Variants in ZCCHC14 observed in about 807,000 individuals in gnomAD.
ZCCHC14 encodes the protein zinc finger CCHC domain-containing protein 14.
ZCCHC14 carries 16 observed loss-of-function variants against 85.0 expected under a neutral mutation model. The ratio of observed to expected loss-of-function variants is 0.19; its 90% CI spans 0.13 to 0.29. The LOEUF (loss-of-function observed/expected upper bound fraction) is 0.29. ZCCHC14 is among the 10% of genes least tolerant of loss of function. The probability of loss-of-function intolerance (pLI) is 1.00; values close to 1 mark genes in which losing one functional copy is unlikely to be tolerated. For missense variants in ZCCHC14, 1,303 were observed against 1,443.5 expected (o/e 0.90, Z 1.58); for synonymous variants, 775 against 630.7 (o/e 1.23, Z -3.43).
intron 1 of ZCCHC14, among the ~76,000 whole-genome samples, chr16:87,462,464 GGT>G (rs1911309612): frequency 6.6e-6 from 1 of 152,220 alleles, no homozygotes; most frequent in Non-Finnish European, 1.5e-5. Context: ...GCCAAGGCCG[GGT>G]GCAGTGGCTC....
chr16:87,442,513 GCA>G (rs926606050), intron 2 of ZCCHC14, among the ~76,000 whole-genome samples: 17 of 152,140 alleles, frequency 1.1e-4, no homozygotes, highest in African/African-American at 4.1e-4. Flanking sequence ...CTCCTGAGAT[GCA>G]CAGACAGACA....
In ZCCHC14 at chr16:87,417,538, C is replaced by G; in HGVS notation, c.1305G>C (p.Gln435His). Residue 435 changes from glutamine to histidine, a missense_variant, in exon 8 of 13, where the codon CAG becomes CAC. Gln to His is a conservative substitution (Grantham distance 24). Around this residue, in one of 7 missense-constraint regions of ZCCHC14, gnomAD observed 389 missense variants for 397.8 expected, o/e 0.98. Coordinates refer to ENST00000671377, the MANE Select transcript of ZCCHC14 (RefSeq NM_015144.3). ...TCCTAAGCCAGTCTAGAATCCCATT[C>G]TGCTCCTGGGTCTGAGGGGTCTGCA... is the stretch of plus-strand genomic sequence containing the variant. ...SSLQTPQTQE[Q>H]NGILDWLRKL... The G allele has an allele frequency of 6.2e-7, 1 of 1,614,278 alleles. No individual in the cohort carries two copies. The highest frequency in any genetic ancestry group is 8.5e-7 in the Non-Finnish European group (1 of 1,180,050).
chr16:87,463,005 T>C (rs1312137186), intron 1 of ZCCHC14, among the ~76,000 whole-genome samples: 30 of 151,732 alleles, frequency 2.0e-4, no homozygotes, highest in Admixed American at 2.0e-3. Flanking sequence ...GAGTTGGAGG[T>C]TGTAGGGAGC....
rs771277132 is a variant in ZCCHC14 at position 87,411,522 on chromosome 16, G to A, written c.3199C>T (p.Arg1067Trp). The change falls in exon 12 of 13, where the codon CGG becomes TGG. Residue 1067 changes from arginine (R) to tryptophan (W), a missense_variant. By Grantham distance (101) the Arg-to-Trp change is moderately radical (BLOSUM62 -3). This residue lies in a region of ZCCHC14 where 797 missense variants were observed against 730.8 expected (regional missense o/e 1.09). Coordinates refer to ENST00000671377, the MANE Select transcript of ZCCHC14 (RefSeq NM_015144.3). ...GGCCATGGCGCGCGCTTACCTGGCC[G>A]GTTGAAGTCCATGGACGGCTGTTTG... ...DCKQPSMDFN[R>W]PGTFRLKYAP... is the part of the protein sequence containing the mutation. 7 of 1,613,442 alleles carry A rather than the reference G, an allele frequency of 4.3e-6. No individual in the cohort carries two copies. The highest frequency in any genetic ancestry group is 1.6e-4 in the Middle Eastern group (1 of 6,062).
intron 3 of ZCCHC14, among the ~76,000 whole-genome samples, chr16:87,429,941 T>C (rs1202435258): frequency 3.3e-5 from 5 of 152,246 alleles, no homozygotes; most frequent in Non-Finnish European, 7.3e-5. Flanking sequence ...GTTTTGAGAA[T>C]TCTTTATACA....
intron 2 of ZCCHC14, among the ~76,000 whole-genome samples, chr16:87,445,656 C>T (rs969005131): frequency 3.3e-5 from 5 of 152,202 alleles, no homozygotes; most frequent in Non-Finnish European, 5.9e-5. Flanking sequence ...TCCCTCAAGC[C>T]ACGGCGTGTG....
At chr16:87,431,683 C>T (rs1425777213) in intron 3 of ZCCHC14, among the ~76,000 whole-genome samples, 1 of 152,152 alleles carries the variant, frequency 6.6e-6, no homozygotes, top group Non-Finnish European at 1.5e-5. Context: ...TGCACAGCAC[C>T]TTCTTAAGTG....
chr16:87,458,466 G>A (rs1467101899), intron 2 of ZCCHC14, among the ~76,000 whole-genome samples: 2 of 152,206 alleles, frequency 1.3e-5, no homozygotes, highest in Non-Finnish European at 1.5e-5. Flanking sequence ...GGGTTGCTAC[G>A]AGGGTCAAGT....
intron 1 of ZCCHC14, among the ~76,000 whole-genome samples, chr16:87,486,753 T>C (rs983402702): frequency 1.3e-5 from 2 of 152,164 alleles, no homozygotes; most frequent in African/African-American, 2.4e-5. Context: ...AAAAAAGCAA[T>C]GTATACAAAG....
chr16:87,429,592 G>A (rs1237329625), intron 3 of ZCCHC14, among the ~76,000 whole-genome samples: 1 of 152,176 alleles, frequency 6.6e-6, no homozygotes, highest in Non-Finnish European at 1.5e-5. Flanking sequence ...ACCAGTCTGG[G>A]TGACAGAAGG....
chr16:87,410,404 CA>C, intron 12 of ZCCHC14, 69 bp from the exon 13 acceptor site: 1 of 688,160 alleles, frequency 1.5e-6, no homozygotes, highest in Non-Finnish European at 2.7e-6. Flanking sequence ...CCAATCTGTC[CA>C]GTCATGTCCA....
At chr16:87,423,955 G>T in intron 3 of ZCCHC14, 74 bp from the exon 4 acceptor site, 1 of 1,506,912 alleles carries the variant, frequency 6.6e-7, no homozygotes, top group Non-Finnish European at 9.1e-7. Flanking sequence ...GTCCTGGTAC[G>T]ACTGGGGCAC....
intron 2 of ZCCHC14, among the ~76,000 whole-genome samples, chr16:87,449,486 G>A (rs961602545): frequency 3.9e-5 from 6 of 152,126 alleles, no homozygotes; most frequent in Middle Eastern, 3.4e-3. Context: ...GTGCAGAGGC[G>A]CAGCGACAGA....
Position 87,407,730 on chromosome 16 carries a change from TACTTGAAA to T in ZCCHC14, c.*2542_*2549del, listed in dbSNP as rs1288599638. 6.6e-6 allele frequency: 1 copy of T among 152,248 alleles called. No individual in the cohort carries two copies. The highest frequency in any genetic ancestry group is 2.4e-5 in the African/African-American group (1 of 41,450). The allele number at this position is 152,248 out of a possible 1,614,324, so 9.4% of individuals were successfully genotyped here. ...CCACACTTTCAGGAAAATGACTAAG[TACTTGAAA>T]GGGTCAGTATGTTCTGTGTTTTCAG... On this transcript the variant is annotated 3_prime_UTR_variant, in exon 13 of 13. Transcript: ENST00000671377.
rs1457148655 is a variant in ZCCHC14, at chr16:87,407,782, C to T, written c.*2498G>A. The T allele has an allele frequency of 6.6e-6, 1 of 152,554 alleles. No homozygotes were observed. The highest frequency in any genetic ancestry group is 2.1e-4 in the South Asian group (1 of 4,826). The allele number at this position is 152,554 out of a possible 1,614,324, so 9.5% of individuals were successfully genotyped here. The stretch of plus-strand genomic sequence containing the variant: ...TTTTCAGATGAGGAAGTCTGATGAC[C>T]GCAAAACGCTCTTCAGACGCGCCGA... On this transcript the variant is annotated 3_prime_UTR_variant, in exon 13 of 13. Coordinates refer to ENST00000671377, the MANE Select transcript of ZCCHC14 (RefSeq NM_015144.3).
intron 8 of ZCCHC14, 64 bp downstream of exon 8, chr16:87,417,396 C>G: frequency 6.3e-7 from 1 of 1,576,352 alleles, no homozygotes; most frequent in East Asian, 2.2e-5. Flanking sequence ...AACTCAATGC[C>G]CCCAGGGAGG....
chr16:87,452,354 A>G (rs1335306054), intron 2 of ZCCHC14, among the ~76,000 whole-genome samples: 1 of 152,238 alleles, frequency 6.6e-6, no homozygotes, highest in African/African-American at 2.4e-5. Context: ...CACTGGCTGC[A>G]TGGGTGGAAA....
intron 3 of ZCCHC14, among the ~76,000 whole-genome samples, chr16:87,425,595 GAAAGA>G (rs59861470): frequency 8.6e-5 from 13 of 151,416 alleles, no homozygotes; most frequent in Non-Finnish European, 1.2e-4. Flanking sequence ...AAGAAAGAAA[GAAAGA>G]AAAGAAAAGA....
chr16:87,477,153 C>CAAAAAAAAAAAAAAAAA (rs1412376609), intron 1 of ZCCHC14, among the ~76,000 whole-genome samples: 23 of 116,210 alleles, frequency 2.0e-4, no homozygotes, highest in African/African-American at 9.4e-4. Flanking sequence ...AAAACAAAAC[C>CAAAAAAAAAAAAAAAAA]AAAAAAAAAT....
Sources: gnomAD v4.1 joint callset for allele counts (sites outside exome capture counted in the v4.1 genomes callset) on GRCh38, gnomAD v4.1.1 for gene constraint, gnomAD v4.1.1 regional missense constraint, MANE v1.5 for transcripts, NCBI Gene and HGNC (gene_info 2026-07-23, HGNC 2026-07-21) for gene names.